PTPRK: variants seen among roughly 807,000 people sequenced by gnomAD.
PTPRK encodes the protein receptor-type tyrosine-protein phosphatase kappa.
In PTPRK, 75 loss-of-function variants were observed where a neutral mutation model predicts 178.0. The observed-to-expected ratio is 0.42, with a 90% CI of 0.35 to 0.51. PTPRK has a LOEUF of 0.51. Ranked by LOEUF, PTPRK falls within the 20% of genes least tolerant of loss-of-function variation. The probability of loss-of-function intolerance (pLI) is 0.02; values close to 1 mark genes in which losing one functional copy is unlikely to be tolerated. For missense variants in PTPRK, 1,441 were observed against 1,797.8 expected (o/e 0.80, Z 3.59); for synonymous variants, 637 against 620.6 (o/e 1.03, Z -0.39).
chr6:128,222,103 C>G (rs1810518251), intron 5 of PTPRK, among the ~76,000 whole-genome samples: 1 of 152,138 alleles, frequency 6.6e-6, no homozygotes, highest in South Asian at 2.1e-4. Context: ...TAGCCAATTC[C>G]CACTGCCTGT....
chr6:128,296,746 A>G (rs1452965602), intron 3 of PTPRK, among the ~76,000 whole-genome samples: 2 of 152,164 alleles, frequency 1.3e-5, no homozygotes, highest in African/African-American at 4.8e-5. Context: ...GAAAGGAACA[A>G]CCGGTACCAG....
intron 1 of PTPRK, among the ~76,000 whole-genome samples, chr6:128,461,411 T>C (rs2128412204): frequency 6.6e-6 from 1 of 152,288 alleles, no homozygotes; most frequent in African/African-American, 2.4e-5. Context: ...TGCATTAAAA[T>C]AAATTTTGCA....
At chr6:128,139,169 GAAC>G (rs1317104773) in intron 7 of PTPRK, among the ~76,000 whole-genome samples, 17 of 152,114 alleles carry the variant, frequency 1.1e-4, no homozygotes, top group African/African-American at 3.9e-4. Flanking sequence ...GATGGACAGA[GAAC>G]AACAACATTA....
chr6:128,389,403 G>GTT (rs1244704895), intron 2 of PTPRK, among the ~76,000 whole-genome samples: 1 of 44,080 alleles, frequency 2.3e-5, no homozygotes, highest in Admixed American at 3.5e-4. Context: ...GTTTTTTTTT[G>GTT]TTTTTTTTTG....
At chr6:128,405,205 T>G (rs1431604222) in intron 1 of PTPRK, among the ~76,000 whole-genome samples, 2 of 152,266 alleles carry the variant, frequency 1.3e-5, no homozygotes, top group Non-Finnish European at 2.9e-5. Flanking sequence ...GGCTGAAAAT[T>G]TATATGATCA....
Position 128,322,194 on chromosome 6 carries a change from T to C in PTPRK, c.340A>G (p.Ser114Gly). Residue 114 changes from serine (S) to glycine (G), a missense_variant, in exon 3 of 30, where the codon AGC becomes GGC. By Grantham distance (56) the Ser-to-Gly change is moderately conservative. Coordinates refer to ENST00000368226, the MANE Select transcript of PTPRK (RefSeq NM_002844.4). ...HCIDFSYLLY[S>G]QKGLNPGTLN... The stretch of plus-strand genomic sequence containing the variant: ...GTGCCAGGATTCAGTCCTTTCTGGC[T>C]ATATAATAGGTAACTGAAATCAATG... The C allele has an allele frequency of 6.2e-7, 1 of 1,613,896 alleles. No individual in the cohort carries two copies. Among genetic ancestry groups the C allele is most frequent in the Non-Finnish European group, 8.5e-7 (1 of 1,179,848 alleles).
At chr6:128,317,419 A>T (rs72969075) in intron 3 of PTPRK, among the ~76,000 whole-genome samples, 2 of 151,696 alleles carry the variant, frequency 1.3e-5, no homozygotes, top group African/African-American at 4.9e-5. Flanking sequence ...GCCCTGTTTA[A>T]GTCTTCTCTC....
chr6:127,985,377 G>C (rs1775830882), intron 22 of PTPRK, among the ~76,000 whole-genome samples: 1 of 152,136 alleles, frequency 6.6e-6, no homozygotes, highest in Admixed American at 6.5e-5. Flanking sequence ...GAATTTTCTA[G>C]ATTGGCAAGA....
At chr6:128,415,129 A>G (rs1425709703) in intron 1 of PTPRK, among the ~76,000 whole-genome samples, 1 of 152,204 alleles carries the variant, frequency 6.6e-6, no homozygotes, top group African/African-American at 2.4e-5. Context: ...CATACGGCCT[A>G]GACTAGGGAA....
At chr6:128,470,649 A>C (rs1033530624) in intron 1 of PTPRK, among the ~76,000 whole-genome samples, 1 of 151,946 alleles carries the variant, frequency 6.6e-6, no homozygotes, top group Admixed American at 6.6e-5. Context: ...ACAAAAAAAG[A>C]AATCAATATT....
intron 2 of PTPRK, among the ~76,000 whole-genome samples, chr6:128,396,633 C>T (rs749842491): frequency 3.9e-5 from 6 of 152,038 alleles, no homozygotes; most frequent in Non-Finnish European, 8.8e-5. Flanking sequence ...ACATAATGCA[C>T]ACTGTTTTAA....
intron 3 of PTPRK, among the ~76,000 whole-genome samples, chr6:128,289,726 A>G (rs77866024): frequency 0.053 from 8,010 of 152,154 alleles, 705 homozygotes; most frequent in African/African-American, 0.18. Context: ...CTTTATGGAG[A>G]TGAAATAAGT....
At chr6:128,377,201 T>C (rs1240955235) in intron 2 of PTPRK, among the ~76,000 whole-genome samples, 2 of 152,122 alleles carry the variant, frequency 1.3e-5, no homozygotes, top group African/African-American at 4.8e-5. Flanking sequence ...GTACCTGACG[T>C]TGGGTAATTT....
chr6:128,459,574 T>C (rs1185609506), intron 1 of PTPRK, among the ~76,000 whole-genome samples: 3 of 152,210 alleles, frequency 2.0e-5, no homozygotes, highest in Non-Finnish European at 4.4e-5. Flanking sequence ...AGTCTGGCCC[T>C]GTACTCTATA....
chr6:128,283,531 T>C (rs1475274431), intron 3 of PTPRK, among the ~76,000 whole-genome samples: 1 of 152,178 alleles, frequency 6.6e-6, no homozygotes, highest in Non-Finnish European at 1.5e-5. Context: ...ATTAACACTA[T>C]AAATTCCTAA....
At chr6:128,144,853 A>G (rs1796253791) in intron 7 of PTPRK, among the ~76,000 whole-genome samples, 1 of 152,176 alleles carries the variant, frequency 6.6e-6, no homozygotes. Flanking sequence ...GAGAACTGCA[A>G]AAGGTTTCTA....
Position 128,486,384 on chromosome 6 carries a change from A to G in PTPRK, c.100+33875T>C, listed in dbSNP as rs1233290226. On this transcript the variant is annotated intron_variant, in intron 1 of 29. Coordinates refer to ENST00000368226, the MANE Select transcript of PTPRK (RefSeq NM_002844.4). ...GATAAAGTGGTAAACTAACTATGAC[A>G]CCAATTAATATATTATATGGTTTTT... Among the ~76,000 whole-genome samples, 4 of 152,322 alleles carry G rather than the reference A, an allele frequency of 2.6e-5. No homozygotes were observed. The East Asian group carries it at 7.7e-4, about 29-fold the overall frequency.
intron 2 of PTPRK, among the ~76,000 whole-genome samples, chr6:128,376,108 G>A (rs1837035429): frequency 6.6e-6 from 1 of 152,132 alleles, no homozygotes; most frequent in Non-Finnish European, 1.5e-5. Flanking sequence ...AAGGACAGTG[G>A]CCCTCTTCTC....
At chr6:128,093,211 C>T (rs1232117964) in intron 7 of PTPRK, among the ~76,000 whole-genome samples, 1 of 151,930 alleles carries the variant, frequency 6.6e-6, no homozygotes, top group Non-Finnish European at 1.5e-5. Flanking sequence ...TTTTATATAA[C>T]ATTTCTTTTT....
Sources: allele counts gnomAD v4.1 joint callset (sites outside exome capture counted in the v4.1 genomes callset), GRCh38; gene constraint gnomAD v4.1.1; transcripts MANE v1.5; gene names NCBI Gene and HGNC (gene_info 2026-07-23, HGNC 2026-07-21).